Variants in LURAP1L observed in about 807,000 individuals in gnomAD.
LURAP1L encodes leucine rich adaptor protein 1 like.
Under a neutral mutation model 13.8 loss-of-function variants are expected in LURAP1L, and 12 were observed. The ratio of observed to expected loss-of-function variants is 0.87; its 90% CI spans 0.56 to 1.41. LURAP1L has a LOEUF of 1.41. Among genes scored for constraint, LURAP1L ranks in the 40% most tolerant of loss-of-function variants. The pLI is 0.00. For missense variants in LURAP1L, 375 were observed against 292.9 expected (o/e 1.28, Z -2.04); for synonymous variants, 139 against 119.2 (o/e 1.17, Z -1.08).
At chr9:12,808,950 G>A (rs560707684) in intron 1 of LURAP1L, among the ~76,000 whole-genome samples, 10 of 152,160 alleles carry the variant, frequency 6.6e-5, no homozygotes, top group African/African-American at 2.4e-4. Flanking sequence ...GGTTCTGCAG[G>A]CTGTACAGGA....
intron 1 of LURAP1L, among the ~76,000 whole-genome samples, chr9:12,800,741 A>C (rs1176677842): frequency 1.3e-5 from 2 of 152,174 alleles, no homozygotes; most frequent in Admixed American, 6.5e-5. Flanking sequence ...AAGTTTCCTG[A>C]GGCCTCCTCA....
chr9:12,775,755 C>T lies in LURAP1L; in HGVS notation c.40C>T (p.Leu14=), dbSNP rs200478198. 9.3e-6 allele frequency: 15 copies of T among 1,605,352 alleles called. No homozygotes were observed. In the East Asian group the frequency reaches 2.5e-4, roughly 26 times the overall value. ...SPLPDLRDIE[L]KLGRKVPESL... ...GCTGCCAGACCTCAGAGACATCGAG[C>T]TGAAGCTGGGGCGCAAAGTACCCGA... Residue 14 remains leucine, a synonymous_variant, in exon 1 of 2, where the codon CTG becomes TTG. Transcript: ENST00000319264.
intron 1 of LURAP1L, among the ~76,000 whole-genome samples, chr9:12,797,550 T>A (rs1819525984): frequency 6.6e-6 from 1 of 152,148 alleles, no homozygotes; most frequent in African/African-American, 2.4e-5. Flanking sequence ...CTACCAGGAT[T>A]TTCATTATTA....
chr9:12,799,402 A>C (rs1819553759), intron 1 of LURAP1L, among the ~76,000 whole-genome samples: 1 of 152,228 alleles, frequency 6.6e-6, no homozygotes, highest in Non-Finnish European at 1.5e-5. Flanking sequence ...TGATATTTAC[A>C]TTGAAATAAC....
chr9:12,819,062 T>G (rs528427279), intron 1 of LURAP1L, among the ~76,000 whole-genome samples: 1 of 152,170 alleles, frequency 6.6e-6, no homozygotes, highest in Non-Finnish European at 1.5e-5. Flanking sequence ...ACATAAAGAC[T>G]GTCAGAAACC....
intron 1 of LURAP1L, among the ~76,000 whole-genome samples, chr9:12,802,972 G>C (rs569112858): frequency 5.1e-4 from 78 of 152,242 alleles, no homozygotes; most frequent in Admixed American, 1.7e-3. Flanking sequence ...ATACCCATCT[G>C]ACTGACAGAT....
At chr9:12,777,489 A>C in intron 1 of LURAP1L, 1 of 985,112 alleles carries the variant, frequency 1.0e-6, no homozygotes. Context: ...GAGATGAGGA[A>C]ATTTTATTCC....
chr9:12,776,503 T>C lies in LURAP1L; in HGVS notation c.312+476T>C, dbSNP rs1244136486. On this transcript the variant is annotated intron_variant, in intron 1 of 1. Coordinates refer to ENST00000319264, the MANE Select transcript of LURAP1L (RefSeq NM_203403.2). ...GGCGTGGCAGGGTCCTTGCAGCCTT[T>C]CCTCCTAGCTCACCCTTCCACCAGT... is the stretch of plus-strand genomic sequence containing the variant. 2.6e-5 allele frequency among the ~76,000 whole-genome samples: 4 copies of C among 151,980 alleles called. No individual in the cohort carries two copies. The East Asian group carries it at 7.8e-4, about 30-fold the overall frequency.
chr9:12,781,557 C>T (rs1819270751), intron 1 of LURAP1L, among the ~76,000 whole-genome samples: 1 of 152,196 alleles, frequency 6.6e-6, no homozygotes, highest in South Asian at 2.1e-4. Flanking sequence ...AAATCCTCCA[C>T]TTCCATCCAT....
In LURAP1L at chr9:12,821,496, A is replaced by T; in HGVS notation, c.423A>T (p.Arg141Ser). 1 of 1,614,204 alleles carries T rather than the reference A, an allele frequency of 6.2e-7. No homozygotes were observed. The highest frequency in any genetic ancestry group is 8.5e-7 in the Non-Finnish European group (1 of 1,180,030). The part of the protein sequence containing the change: ...MIEEKATITS[R>S]GSSLSGSLCS... ...AAGAAAAAGCCACCATTACCAGCAG[A>T]GGCAGCAGCCTCAGTGGCAGCCTGT... The change falls in exon 2 of 2, where the codon AGA becomes AGT. Residue 141 changes from arginine to serine, a missense_variant. By Grantham distance (110) the Arg-to-Ser change is moderately radical (BLOSUM62 -1). Transcript: ENST00000319264.
Position 12,776,010 on chromosome 9 carries a change from C to T in LURAP1L, c.295C>T (p.Leu99Phe), listed in dbSNP as rs1383544083. 6.2e-7 allele frequency: 1 copy of T among 1,612,368 alleles called. No homozygotes were observed. Among genetic ancestry groups the T allele is most frequent in the African/African-American group, 1.3e-5 (1 of 74,890 alleles). ...GGAGAGGCTAGAAACCAAGCTTCAC[C>T]TCCTCAGGCAAGAGATGGTGAGTGT... ...ALERLETKLH[L>F]LRQEMVNLRA... Residue 99 changes from leucine to phenylalanine, a missense_variant, in exon 1 of 2, where the codon CTC becomes TTC. Physicochemically the swap from Leu to Phe is conservative, Grantham distance 22 (BLOSUM62 0). Transcript: ENST00000319264.
intron 1 of LURAP1L, among the ~76,000 whole-genome samples, chr9:12,796,509 T>C (rs1819513460): frequency 1.3e-5 from 2 of 152,058 alleles, no homozygotes; most frequent in Admixed American, 1.3e-4. Context: ...TTCTATTTTA[T>C]GTGCATTTCT....
chr9:12,777,637 A>G (rs995981243), intron 1 of LURAP1L: 1 of 905,312 alleles, frequency 1.1e-6, no homozygotes, highest in African/African-American at 1.8e-5. Flanking sequence ...ATTTTGCTGG[A>G]CACTCAGACA....
intron 1 of LURAP1L, among the ~76,000 whole-genome samples, chr9:12,793,760 T>C (rs991442018): frequency 5.9e-5 from 9 of 152,070 alleles, no homozygotes; most frequent in African/African-American, 2.2e-4. Flanking sequence ...AATCTCTTTA[T>C]TGAACGGTAG....
At chr9:12,807,828 G>T (rs890017746) in intron 1 of LURAP1L, among the ~76,000 whole-genome samples, 2 of 151,814 alleles carry the variant, frequency 1.3e-5, no homozygotes, top group South Asian at 2.1e-4. Context: ...CAATTTATAT[G>T]ATTCTACTTT....
chr9:12,793,305 T>A (rs1819469078), intron 1 of LURAP1L, among the ~76,000 whole-genome samples: 1 of 152,110 alleles, frequency 6.6e-6, no homozygotes, highest in South Asian at 2.1e-4. Context: ...ACCAATATGT[T>A]TAATATAAAA....
intron 1 of LURAP1L, among the ~76,000 whole-genome samples, chr9:12,783,983 G>C (rs1290026023): frequency 6.6e-6 from 1 of 151,896 alleles, no homozygotes; most frequent in African/African-American, 2.4e-5. Flanking sequence ...GCATTCTTCA[G>C]TATGTCAATT....
intron 1 of LURAP1L, among the ~76,000 whole-genome samples, chr9:12,820,510 C>T (rs1184102000): frequency 1.1e-5 from 1 of 87,718 alleles, no homozygotes; most frequent in African/African-American, 3.9e-5. Flanking sequence ...CCCCCCCCCC[C>T]CCCCAAAAAA....
intron 1 of LURAP1L, among the ~76,000 whole-genome samples, chr9:12,791,941 G>A (rs1016970829): frequency 1.3e-5 from 2 of 151,916 alleles, no homozygotes; most frequent in Non-Finnish European, 2.9e-5. Context: ...AATATTTTTC[G>A]ACAGAGCTCT....
Sources: allele counts gnomAD v4.1 joint callset (sites outside exome capture counted in the v4.1 genomes callset), GRCh38; gene constraint gnomAD v4.1.1; transcripts MANE v1.5; gene names NCBI Gene and HGNC (gene_info 2026-07-23, HGNC 2026-07-21).